The following PRKCB variants were observed in gnomAD, a reference collection of about 807,000 sequenced individuals.
PRKCB encodes protein kinase C beta type.
Under a neutral mutation model 81.5 loss-of-function variants are expected in PRKCB, and 13 were observed. The observed-to-expected ratio is 0.16, with a 90% confidence interval of 0.10 to 0.25. PRKCB has a LOEUF of 0.25. PRKCB is among the 10% of genes least tolerant of loss of function. The probability of loss-of-function intolerance (pLI) is 1.00; values close to 1 mark genes in which losing one functional copy is unlikely to be tolerated. For synonymous variants in PRKCB, 335 were observed against 321.4 expected (o/e 1.04, Z -0.45); for missense variants, 509 against 875.7 (o/e 0.58, Z 5.29).
chr16:24,026,980 C>A (rs1210287939), intron 3 of PRKCB, among the ~76,000 whole-genome samples: 2 of 152,146 alleles, frequency 1.3e-5, no homozygotes, highest in African/African-American at 4.8e-5. Flanking sequence ...CAGGCCAATA[C>A]CAGTCATGAA....
intron 2 of PRKCB, among the ~76,000 whole-genome samples, chr16:23,895,296 A>G (rs1301156339): frequency 6.6e-6 from 1 of 152,022 alleles, no homozygotes; most frequent in African/African-American, 2.4e-5. Context: ...TTTTCTTATG[A>G]GCTTTGCCAG....
At chr16:24,033,795 G>C (rs1596521528) in intron 4 of PRKCB, among the ~76,000 whole-genome samples, 1 of 152,028 alleles carries the variant, frequency 6.6e-6, no homozygotes, top group African/African-American at 2.4e-5. Context: ...TGATTGGCAT[G>C]GACACAGAGA....
chr16:23,851,091 T>C (rs1419244787), intron 2 of PRKCB, among the ~76,000 whole-genome samples: 1 of 152,258 alleles, frequency 6.6e-6, no homozygotes, highest in African/African-American at 2.4e-5. Context: ...AATTGTTTCC[T>C]TTGCTGTGAG....
At chr16:24,158,099 A>G (rs947280290) in intron 10 of PRKCB, among the ~76,000 whole-genome samples, 2 of 152,188 alleles carry the variant, frequency 1.3e-5, no homozygotes, top group Non-Finnish European at 2.9e-5. Flanking sequence ...GATTGAAAGA[A>G]AAAAGTGCTT....
At chr16:23,998,471 G>T (rs1964988199) in intron 3 of PRKCB, among the ~76,000 whole-genome samples, 1 of 152,156 alleles carries the variant, frequency 6.6e-6, no homozygotes, top group Admixed American at 6.5e-5. Flanking sequence ...TTTCTCTGAG[G>T]AAAGCTAGAG....
intron 3 of PRKCB, among the ~76,000 whole-genome samples, chr16:23,992,112 G>C (rs1409293783): frequency 6.6e-6 from 1 of 152,222 alleles, no homozygotes; most frequent in Non-Finnish European, 1.5e-5. Context: ...TTGTGTATGA[G>C]AAAGTGAGCT....
At chr16:24,041,526 C>CA (rs555040822) in intron 5 of PRKCB, among the ~76,000 whole-genome samples, 1 of 147,788 alleles carries the variant, frequency 6.8e-6, no homozygotes, top group Non-Finnish European at 1.5e-5. Flanking sequence ...CAGAAAGAAC[C>CA]TTTTTTTTTT....
At chr16:24,076,699 CTGTT>C (rs1256086387) in intron 5 of PRKCB, among the ~76,000 whole-genome samples, 1 of 152,194 alleles carries the variant, frequency 6.6e-6, no homozygotes, top group African/African-American at 2.4e-5. Flanking sequence ...CTTTAACTCA[CTGTT>C]TGAGTCACAG....
chr16:24,172,474 T>C (rs1967458266), intron 11 of PRKCB, 113 bp downstream of exon 11: 2 of 799,130 alleles, frequency 2.5e-6, no homozygotes, highest in Non-Finnish European at 2.0e-6. Context: ...GGGCATCTTT[T>C]TGAAAAAATA....
At chr16:23,838,808 G>A (rs1441301272) in intron 2 of PRKCB, among the ~76,000 whole-genome samples, 1 of 152,106 alleles carries the variant, frequency 6.6e-6, no homozygotes, top group Non-Finnish European at 1.5e-5. Context: ...GGCTCAGTGA[G>A]CCCTGCCAAC....
intron 2 of PRKCB, among the ~76,000 whole-genome samples, chr16:23,889,148 A>ATCCATCCG (rs1228695607): frequency 6.9e-6 from 1 of 144,034 alleles, no homozygotes; most frequent in African/African-American, 2.9e-5. Flanking sequence ...CCATCCATCC[A>ATCCATCCG]TCCATCCATC....
chr16:24,154,195 G>A (rs772004478), intron 9 of PRKCB, among the ~76,000 whole-genome samples: 21 of 152,188 alleles, frequency 1.4e-4, no homozygotes, highest in Non-Finnish European at 3.1e-4. Context: ...TTCAAAGTGC[G>A]AGGTCAGGGC....
At chr16:24,004,573 T>A (rs1430761661) in intron 3 of PRKCB, among the ~76,000 whole-genome samples, 1 of 151,994 alleles carries the variant, frequency 6.6e-6, no homozygotes, top group African/African-American at 2.4e-5. Flanking sequence ...GAGGATCACT[T>A]AAGCCTGGGA....
chr16:23,856,729 T>C (rs534459418), intron 2 of PRKCB, among the ~76,000 whole-genome samples: 1 of 152,314 alleles, frequency 6.6e-6, no homozygotes, highest in South Asian at 2.1e-4. Flanking sequence ...CTCCCTATGT[T>C]GCTCGGGCTG....
chr16:24,196,990 G>A (rs1379839613), intron 16 of PRKCB, among the ~76,000 whole-genome samples: 2 of 152,206 alleles, frequency 1.3e-5, no homozygotes, highest in Non-Finnish European at 2.9e-5. Context: ...GTCGCTGAGT[G>A]CATGATGGAG....
intron 3 of PRKCB, among the ~76,000 whole-genome samples, chr16:24,019,487 G>A (rs1311399577): frequency 6.6e-6 from 1 of 152,120 alleles, no homozygotes; most frequent in African/African-American, 2.4e-5. Context: ...ACCTTGGTCG[G>A]GTGCAGTGGC....
At chr16:24,145,607 G>A (rs1966977564) in intron 9 of PRKCB, among the ~76,000 whole-genome samples, 1 of 152,218 alleles carries the variant, frequency 6.6e-6, no homozygotes, top group South Asian at 2.1e-4. Context: ...GAGAGATACA[G>A]GAGAGAGGAA....
chr16:24,112,078 G>A (rs1203867070), intron 7 of PRKCB, among the ~76,000 whole-genome samples: 6 of 152,174 alleles, frequency 3.9e-5, no homozygotes, highest in Non-Finnish European at 7.3e-5. Context: ...AAGGGATGCC[G>A]TTTCTCAAAA....
At chr16:24,000,730 C>T (rs190209247) in intron 3 of PRKCB, among the ~76,000 whole-genome samples, 1 of 152,284 alleles carries the variant, frequency 6.6e-6, no homozygotes, top group Admixed American at 6.5e-5. Context: ...AATGTACTGA[C>T]AATTCTCTAC....
Sources: allele counts gnomAD v4.1 joint callset (sites outside exome capture counted in the v4.1 genomes callset), GRCh38; gene constraint gnomAD v4.1.1; transcripts MANE v1.5; gene names NCBI Gene and HGNC (gene_info 2026-07-23, HGNC 2026-07-21).